Variants in WDFY2 observed in about 807,000 individuals in gnomAD.
WDFY2 encodes WD repeat and FYVE domain-containing protein 2.
In WDFY2, 36 loss-of-function variants were observed where a neutral mutation model predicts 56.4. The ratio of observed to expected loss-of-function variants is 0.64; its 90% CI spans 0.49 to 0.84. The LOEUF is 0.84. WDFY2 is among the 40% of genes least tolerant of loss of function. The probability of loss-of-function intolerance (pLI) is 0.00; values close to 1 mark genes in which losing one functional copy is unlikely to be tolerated. For synonymous variants in WDFY2, 176 were observed against 183.7 expected (o/e 0.96, Z 0.34); for missense variants, 444 against 512.2 (o/e 0.87, Z 1.29).
chr13:51,591,313 C>T (rs967902165), intron 1 of WDFY2: 2 of 152,144 alleles, frequency 1.3e-5, no homozygotes, highest in Admixed American at 1.3e-4. Context: ...TGGATGGCAG[C>T]GGTTATTTAT....
chr13:51,755,939 G>A (rs1953366514), intron 9 of WDFY2, among the ~76,000 whole-genome samples: 1 of 152,160 alleles, frequency 6.6e-6, no homozygotes. Flanking sequence ...GCCAAAGTCA[G>A]CAGATTCAAT....
In WDFY2 at chr13:51,729,452, A is replaced by T. The variant is rs116235297; in HGVS notation, c.598+1662A>T. ...ACCACATATTTCTTGCCCACTGTATATCCCCCTCACCCCAACAAACAAACT... is the reference window on the plus strand; with the variant it reads ...ACCACATATTTCTTGCCCACTGTATTTCCCCCTCACCCCAACAAACAAACT... On this transcript the variant is annotated intron_variant, in intron 6 of 11. Transcript: ENST00000298125. 5.4e-3 allele frequency among the ~76,000 whole-genome samples: 820 copies of T among 150,640 alleles called. 6 individuals carry two copies. The highest frequency in any genetic ancestry group is 0.019 in the African/African-American group (768 of 41,028).
At chr13:51,709,636 A>T (rs2076135056) in intron 4 of WDFY2, among the ~76,000 whole-genome samples, 1 of 152,232 alleles carries the variant, frequency 6.6e-6, no homozygotes. Context: ...ACAAACTACC[A>T]TCAGAGAATA....
At chr13:51,688,961 G>C (rs1230557998) in intron 3 of WDFY2, among the ~76,000 whole-genome samples, 1 of 152,156 alleles carries the variant, frequency 6.6e-6, no homozygotes, top group Non-Finnish European at 1.5e-5. Flanking sequence ...GGGTGGCGGG[G>C]ACACAAAATA....
intron 8 of WDFY2, chr13:51,753,261 C>G (rs74353644): frequency 6.6e-6 from 1 of 152,080 alleles, no homozygotes; most frequent in Non-Finnish European, 1.5e-5. Flanking sequence ...TGCTCATGAG[C>G]GGTTTAGAGA....
intron 6 of WDFY2, among the ~76,000 whole-genome samples, chr13:51,731,244 A>G (rs1023910703): frequency 4.6e-5 from 7 of 152,194 alleles, no homozygotes; most frequent in African/African-American, 1.4e-4. Context: ...CACTCACTGT[A>G]TGGTGGCTGA....
chr13:51,615,362 AC>A (rs1954591122), intron 1 of WDFY2, among the ~76,000 whole-genome samples: 1 of 152,188 alleles, frequency 6.6e-6, no homozygotes. Flanking sequence ...TAAAAAAAAA[AC>A]ACTGAAACAT....
chr13:51,739,250 C>A, intron 7 of WDFY2, 75 bp downstream of exon 7: 1 of 1,446,300 alleles, frequency 6.9e-7, no homozygotes, highest in Non-Finnish European at 9.2e-7. Flanking sequence ...GGAGTGCAGC[C>A]CAGTCTGTGG....
chr13:51,678,189 A>G (rs1373608278), intron 3 of WDFY2, among the ~76,000 whole-genome samples: 2 of 152,134 alleles, frequency 1.3e-5, no homozygotes, highest in Admixed American at 6.5e-5. Context: ...TAGGTTAGCT[A>G]TGTTGTATTG....
chr13:51,675,644 A>T (rs180983251), intron 3 of WDFY2, among the ~76,000 whole-genome samples: 338 of 152,200 alleles, frequency 2.2e-3, no homozygotes, highest in African/African-American at 7.5e-3. Context: ...TGCATGTCTG[A>T]TCCTGTCTTT....
chr13:51,602,450 T>C (rs1341091791), intron 1 of WDFY2, among the ~76,000 whole-genome samples: 1 of 152,234 alleles, frequency 6.6e-6, no homozygotes, highest in African/African-American at 2.4e-5. Context: ...TTTGTATAGA[T>C]ACACTCTATG....
At chr13:51,601,758 G>A (rs60996062) in intron 1 of WDFY2, among the ~76,000 whole-genome samples, 7,735 of 152,130 alleles carry the variant, frequency 0.051, 241 homozygotes, top group Middle Eastern at 0.085. Flanking sequence ...CTGATTCATC[G>A]GACTCCACGC....
intron 1 of WDFY2, among the ~76,000 whole-genome samples, chr13:51,621,374 G>A (rs1954722604): frequency 6.6e-6 from 1 of 152,096 alleles, no homozygotes; most frequent in South Asian, 2.1e-4. Flanking sequence ...GCGTAGTGGT[G>A]GGCACCTGTA....
In WDFY2 at chr13:51,645,603, A is replaced by G. The variant is rs144692214; in HGVS notation, c.138-14993A>G. Among the ~76,000 whole-genome samples, 5 of 152,302 alleles carry G rather than the reference A, an allele frequency of 3.3e-5. No individual in the cohort carries two copies. The East Asian group carries it at 9.6e-4, about 29-fold the overall frequency. ...GTAGGCACGTTTCCACTGTGAATAT[A>G]GTTCAGCTCTTAGGTGTGCTTATGA... On this transcript the variant is annotated intron_variant, in intron 1 of 11. Transcript: ENST00000298125.
chr13:51,645,472 G>A (rs748237347), intron 1 of WDFY2, among the ~76,000 whole-genome samples: 4 of 152,164 alleles, frequency 2.6e-5, no homozygotes, highest in East Asian at 1.9e-4. Context: ...TAGACGCCCC[G>A]TCTTATTTTA....
chr13:51,743,364 C>T (rs1417014087), intron 7 of WDFY2, among the ~76,000 whole-genome samples: 1 of 152,180 alleles, frequency 6.6e-6, no homozygotes, highest in Non-Finnish European at 1.5e-5. Context: ...CGAGGCACTG[C>T]ACCTTTCTGA....
intron 5 of WDFY2, among the ~76,000 whole-genome samples, chr13:51,720,666 C>T (rs1040091019): frequency 1.3e-5 from 2 of 152,122 alleles, no homozygotes; most frequent in Admixed American, 1.3e-4. Flanking sequence ...AACTTGGTGT[C>T]CTTTAAACAA....
intron 1 of WDFY2, among the ~76,000 whole-genome samples, chr13:51,638,714 A>C (rs980085292): frequency 2.0e-5 from 3 of 152,208 alleles, no homozygotes; most frequent in Admixed American, 6.5e-5. Flanking sequence ...CTGGCTAGTA[A>C]AAATATTGGG....
At chr13:51,754,271 G>C (rs576349783) in intron 8 of WDFY2, among the ~76,000 whole-genome samples, 1 of 152,016 alleles carries the variant, frequency 6.6e-6, no homozygotes, top group Non-Finnish European at 1.5e-5. Flanking sequence ...AACAAAGGGC[G>C]TGTAGACTGG....
Sources: allele counts gnomAD v4.1 joint callset (sites outside exome capture counted in the v4.1 genomes callset), GRCh38; gene constraint gnomAD v4.1.1; transcripts MANE v1.5; gene names NCBI Gene and HGNC (gene_info 2026-07-23, HGNC 2026-07-21).